The following IMPACT variants were observed in gnomAD, a reference collection of about 807,000 sequenced individuals.
IMPACT encodes the protein impact RWD domain protein.
A neutral mutation model predicts 47.5 loss-of-function variants in IMPACT; 35 were observed. The observed-to-expected ratio is 0.74, with a 90% CI of 0.56 to 0.98. The LOEUF is 0.98. Among genes scored for constraint, IMPACT ranks in the 50% least tolerant of loss-of-function variants. IMPACT has a pLI of 0.00. For synonymous variants in IMPACT, 118 were observed against 125.6 expected, an observed-to-expected ratio of 0.94 and a Z score of 0.40; for missense variants, 373 against 394.8, an observed-to-expected ratio of 0.94 and a Z score of 0.47.
Position 24,430,789 on chromosome 18 carries a change from A to C in IMPACT, c.281+405A>C, listed in dbSNP as rs192257961. On this transcript the variant is annotated intron_variant, in intron 4 of 10. Transcript: ENST00000284202. The stretch of plus-strand genomic sequence containing the variant: ...CTAAAAGGATCTTAATGAAAAAAAC[A>C]AAAACACTTAGCCAACTTGTCAAAG... Among the ~76,000 whole-genome samples, 337 of 152,348 alleles carry C rather than the reference A, an allele frequency of 2.2e-3. 2 individuals are homozygous for C. Among genetic ancestry groups the C allele is most frequent in the African/African-American group, 7.9e-3 (329 of 41,574 alleles).
chr18:24,431,208 A>G (rs1908747693), intron 4 of IMPACT, among the ~76,000 whole-genome samples: 1 of 152,190 alleles, frequency 6.6e-6, no homozygotes, highest in East Asian at 1.9e-4. Flanking sequence ...AAGACCTGAC[A>G]TAGTCTCGGA....
chr18:24,440,214 C>G (rs1909064763), intron 5 of IMPACT, among the ~76,000 whole-genome samples: 1 of 151,960 alleles, frequency 6.6e-6, no homozygotes, highest in Non-Finnish European at 1.5e-5. Flanking sequence ...TCAAATTGTT[C>G]TAGCTTTGAC....
At chr18:24,445,361 G>A in intron 7 of IMPACT, 32 bp from the exon 8 acceptor site, 1 of 1,238,296 alleles carries the variant, frequency 8.1e-7, no homozygotes, top group Non-Finnish European at 1.2e-6. Context: ...AATATAAAAA[G>A]CATACTTATT....
In IMPACT at chr18:24,448,105, G is replaced by A; in HGVS notation, c.681G>A (p.Glu227=). Residue 227 remains glutamate, a synonymous_variant, in exon 9 of 11, where the codon GAG becomes GAA. Transcript: ENST00000284202. ...HNIYAYRIYC[E]DKQTFLQDCE... Reference sequence around the variant, plus strand: ...CATGTATTTGCAGAATATATTGTGAGGATAAACAGACCTTCTTACAGGATT... The same window carrying A: ...CATGTATTTGCAGAATATATTGTGAAGATAAACAGACCTTCTTACAGGATT... 1.9e-6 allele frequency: 3 copies of A among 1,609,906 alleles called. No homozygotes were observed. The highest frequency in any genetic ancestry group is 2.6e-6 in the Non-Finnish European group (3 of 1,176,344).
chr18:24,446,585 T>A (rs1200436837), intron 8 of IMPACT, among the ~76,000 whole-genome samples: 6 of 152,216 alleles, frequency 3.9e-5, no homozygotes, highest in Non-Finnish European at 5.9e-5. Flanking sequence ...ATTTAAAATG[T>A]GATTGAGACT....
At chr18:24,431,647 G>A (rs1261594008) in intron 4 of IMPACT, among the ~76,000 whole-genome samples, 1 of 150,830 alleles carries the variant, frequency 6.6e-6, no homozygotes, top group Non-Finnish European at 1.5e-5. Context: ...CGGGTAGCTG[G>A]GACTATAGAT....
intron 1 of IMPACT, chr18:24,427,072 A>T (rs1036410256): frequency 8.1e-6 from 3 of 370,826 alleles, no homozygotes; most frequent in Non-Finnish European, 1.4e-5. Context: ...GAAGGCAAAA[A>T]CCGGGGTTTC....
chr18:24,434,844 G>GTGTGTATATGTA (rs1908872566), intron 4 of IMPACT, among the ~76,000 whole-genome samples: 2 of 128,892 alleles, frequency 1.6e-5, no homozygotes, highest in Non-Finnish European at 3.2e-5. Flanking sequence ...GTATATATAT[G>GTGTGTATATGTA]TGTGTATATA....
intron 4 of IMPACT, among the ~76,000 whole-genome samples, chr18:24,431,036 G>A (rs936022958): frequency 2.0e-5 from 3 of 152,166 alleles, no homozygotes; most frequent in Admixed American, 6.5e-5. Context: ...ACTAGATCCT[G>A]GGTGCAGGTA....
At position 24,440,619 on chromosome 18, in the gene IMPACT, G is replaced by T. The variant is rs747954357; in HGVS notation, c.490+1G>T. 5 of 1,605,062 alleles carry T rather than the reference G, an allele frequency of 3.1e-6. No individual in the cohort carries two copies. The highest frequency in any genetic ancestry group is 4.5e-5 in the East Asian group (2 of 44,544). ...TTTGATATCAGTGAAACTCGGACAG[G>T]TATAATGTTACTAACTAATTTCTTT... On this transcript the variant is annotated splice_donor_variant, in intron 6 of 10. Coordinates refer to ENST00000284202, the MANE Select transcript of IMPACT (RefSeq NM_018439.4). LOFTEE classifies it high-confidence loss of function.
At chr18:24,437,908 A>G (rs751119364) in intron 4 of IMPACT, 47 bp from the exon 5 acceptor site, 11 of 868,288 alleles carry the variant, frequency 1.3e-5, no homozygotes, top group Non-Finnish European at 1.7e-5. Flanking sequence ...ATTTGAGAAG[A>G]TGATTTTTGA....
chr18:24,442,640 A>G (rs72888677), intron 6 of IMPACT, among the ~76,000 whole-genome samples: 41 of 152,368 alleles, frequency 2.7e-4, no homozygotes, highest in Non-Finnish European at 5.6e-4. Flanking sequence ...TTCCCAACTC[A>G]GAGGTCTAAC....
At chr18:24,441,258 G>A (rs561906359) in intron 6 of IMPACT, among the ~76,000 whole-genome samples, 8 of 152,224 alleles carry the variant, frequency 5.3e-5, no homozygotes, top group Admixed American at 5.2e-4. Context: ...GCAGTGGCAC[G>A]ATCTCAGTTC....
intron 8 of IMPACT, among the ~76,000 whole-genome samples, chr18:24,446,027 T>A (rs574094151): frequency 6.6e-6 from 1 of 152,122 alleles, no homozygotes. Context: ...TATCAAAAAG[T>A]GTGAACAATT....
chr18:24,440,385 G>T, intron 5 of IMPACT, 111 bp from the exon 6 acceptor site: 2 of 1,109,598 alleles, frequency 1.8e-6, no homozygotes, highest in Non-Finnish European at 2.6e-6. Flanking sequence ...GCTGAGTGCT[G>T]GTTCCTTTCG....
rs1020113402 is a variant in IMPACT at position 24,452,401 on chromosome 18, A to G, written c.*1554A>G. On this transcript the variant is annotated 3_prime_UTR_variant, in exon 11 of 11. Transcript: ENST00000284202. ...TGTGTTTTAACTGTTAAAATAATTT[A>G]AAAATTAATTATTTTACATAATTAA... is the stretch of plus-strand genomic sequence containing the variant. 3.9e-5 allele frequency: 6 copies of G among 152,146 alleles called. No homozygotes were observed. Among genetic ancestry groups the G allele is most frequent in the Admixed American group, 6.5e-5 (1 of 15,284 alleles). 9.4% of individuals were successfully genotyped at this position (152,146 alleles called of 1,614,324 possible).
chr18:24,428,034 C>T lies in IMPACT; in HGVS notation c.152C>T (p.Thr51Ile). The change falls in exon 2 of 11, where the codon ACA becomes ATA. Residue 51 changes from threonine (T) to isoleucine (I), a missense_variant. Coordinates refer to ENST00000284202, the MANE Select transcript of IMPACT (RefSeq NM_018439.4). ...GACGATATAGATGACCCCAAATGGA[C>T]ACTTTGCTTGCAGGTACTTTTTCCC... ...ISDDIDDPKWTLCLQVMLPNE... is the reference protein window; with the variant it reads ...ISDDIDDPKWILCLQVMLPNE... 2 of 1,576,242 alleles carry T rather than the reference C, an allele frequency of 1.3e-6. No individual in the cohort carries two copies. The highest frequency in any genetic ancestry group is 1.7e-6 in the Non-Finnish European group (2 of 1,167,674).
In IMPACT at chr18:24,426,694, AGCGCCCCGCCCCC is replaced by A; in HGVS notation, c.-58_-46del. The stretch of plus-strand genomic sequence containing the variant: ...CAGCCAGCTCTCGGCTCGCAGCCGC[AGCGCCCCGCCCCC>A]GCGCTCCGGACCTGGCAGGCGGCGG... On this transcript the variant is annotated 5_prime_UTR_variant, in exon 1 of 11. Transcript: ENST00000284202. The A allele has an allele frequency of 8.4e-7, 1 of 1,190,222 alleles. No individual in the cohort carries two copies. The highest frequency in any genetic ancestry group is 1.1e-6 in the Non-Finnish European group (1 of 948,154). The allele number at this position is 1,190,222 out of a possible 1,614,324, so 73.7% of individuals were successfully genotyped here. A position where few individuals can be genotyped will look rare whatever the true frequency, so the allele number is the denominator to read the frequency against.
chr18:24,446,109 G>T (rs1268277384), intron 8 of IMPACT, among the ~76,000 whole-genome samples: 10 of 151,988 alleles, frequency 6.6e-5, no homozygotes, highest in Admixed American at 2.6e-4. Flanking sequence ...TTTGAGACAG[G>T]GTCTCAAAAA....
Sources: gnomAD v4.1 joint callset for allele counts (sites outside exome capture counted in the v4.1 genomes callset) on GRCh38, gnomAD v4.1.1 for gene constraint, MANE v1.5 for transcripts, NCBI Gene and HGNC (gene_info 2026-07-23, HGNC 2026-07-21) for gene names.